Variants in AQP9 observed in about 807,000 individuals in gnomAD.
AQP9 encodes the protein aquaporin 9.
Under a neutral mutation model 23.8 loss-of-function variants are expected in AQP9, and 19 were observed. That is an observed-to-expected ratio of 0.80 (90% CI 0.56 to 1.17). AQP9 has a LOEUF of 1.17. Ranked by LOEUF, AQP9 falls within the 50% of genes most tolerant of loss-of-function variation. The pLI is 0.00. For missense variants in AQP9, 413 were observed against 362.0 expected (o/e 1.14, Z -1.14); for synonymous variants, 153 against 131.5 (o/e 1.16, Z -1.12).
At chr15:58,146,799 G>C (rs1898053588) in intron 1 of AQP9, 1 of 152,222 alleles carries the variant, frequency 6.6e-6, no homozygotes, top group Non-Finnish European at 1.5e-5. Context: ...GTGGCAAACT[G>C]AAAAGAGAAG....
intron 1 of AQP9, among the ~76,000 whole-genome samples, chr15:58,142,519 C>G (rs1298456906): frequency 6.6e-6 from 1 of 152,236 alleles, no homozygotes; most frequent in Non-Finnish European, 1.5e-5. Context: ...GATCTCTTCA[C>G]CACCTACAAA....
intron 4 of AQP9, among the ~76,000 whole-genome samples, chr15:58,178,318 T>C (rs1898801165): frequency 6.6e-6 from 1 of 152,198 alleles, no homozygotes. Context: ...ATAGCTTTTA[T>C]GTTTATAGTT....
chr15:58,168,969 G>T (rs905597207), intron 2 of AQP9, among the ~76,000 whole-genome samples: 1 of 152,074 alleles, frequency 6.6e-6, no homozygotes. Flanking sequence ...GAATTAATTG[G>T]CCCCAGACCC....
At position 58,166,728 on chromosome 15, in the gene AQP9, G is replaced by A. The variant is rs748783905; in HGVS notation, c.167G>A (p.Gly56Glu). 6.2e-7 allele frequency: 1 copy of A among 1,613,862 alleles called. No individual in the cohort carries two copies. The highest frequency in any genetic ancestry group is 8.5e-7 in the Non-Finnish European group (1 of 1,179,832). Residue 56 changes from glycine to glutamate, a missense_variant, in exon 2 of 6, where the codon GGG (glycine) becomes GAG (glutamate). By Grantham distance (98) the Gly-to-Glu change is moderately conservative. Transcript: ENST00000219919. Reference protein sequence around the residue: ...QAILSRGRFGGVITINVGFSM... With the variant: ...QAILSRGRFGEVITINVGFSM... ...ATTCTCAGTCGAGGACGTTTTGGAG[G>A]GGTCATCACTATCAATGTTGGATTT... is the stretch of plus-strand genomic sequence containing the variant.
chr15:58,172,180 T>C (rs1898639638), intron 2 of AQP9, among the ~76,000 whole-genome samples: 1 of 152,222 alleles, frequency 6.6e-6, no homozygotes, highest in African/African-American at 2.4e-5. Flanking sequence ...TTACTGACCA[T>C]GTAGCCTTAA....
chr15:58,168,533 A>G (rs1392435810), intron 2 of AQP9, among the ~76,000 whole-genome samples: 1 of 151,062 alleles, frequency 6.6e-6, no homozygotes, highest in Non-Finnish European at 1.5e-5. Context: ...ACCAGCTGGC[A>G]CCCTTTCCAT....
chr15:58,181,099 G>A (rs1220223170), intron 5 of AQP9, among the ~76,000 whole-genome samples: 1 of 152,160 alleles, frequency 6.6e-6, no homozygotes, highest in Non-Finnish European at 1.5e-5. Context: ...AAGAGACATG[G>A]TGGTTCCAAA....
At chr15:58,183,842 C>T (rs1287861207) in intron 5 of AQP9, 119 bp from the exon 6 acceptor site, 11 of 1,162,692 alleles carry the variant, frequency 9.5e-6, no homozygotes, top group Non-Finnish European at 1.2e-5. Flanking sequence ...ATACTTAGCT[C>T]TTGCTGAGTT....
At chr15:58,168,044 CAG>C (rs1158797661) in intron 2 of AQP9, among the ~76,000 whole-genome samples, 1 of 151,598 alleles carries the variant, frequency 6.6e-6, no homozygotes, top group Non-Finnish European at 1.5e-5. Flanking sequence ...TTTTTTAAGA[CAG>C]AGTCTCACTC....
At chr15:58,176,570 T>C (rs1230193123) in intron 4 of AQP9, among the ~76,000 whole-genome samples, 1 of 151,066 alleles carries the variant, frequency 6.6e-6, no homozygotes, top group African/African-American at 2.4e-5. Context: ...GCAGAGAGCA[T>C]AGAAGAGCGA....
chr15:58,175,305 T>C (rs1898724863), intron 4 of AQP9, among the ~76,000 whole-genome samples: 1 of 152,236 alleles, frequency 6.6e-6, no homozygotes, highest in Non-Finnish European at 1.5e-5. Flanking sequence ...AACATTTCAA[T>C]CCCTGTAGAC....
At chr15:58,154,216 C>G (rs1595731777) in intron 1 of AQP9, 1 of 152,276 alleles carries the variant, frequency 6.6e-6, no homozygotes, top group East Asian at 1.9e-4. Context: ...AGTCTATTTA[C>G]AAGCCAAAAT....
At chr15:58,166,922 G>T in intron 2 of AQP9, 123 bp downstream of exon 2, 1 of 1,270,528 alleles carries the variant, frequency 7.9e-7, no homozygotes, top group African/African-American at 1.5e-5. Context: ...AGTGTGTATT[G>T]GATCCCATTT....
At chr15:58,158,985 A>G (rs1898318448) in intron 1 of AQP9, among the ~76,000 whole-genome samples, 1 of 152,190 alleles carries the variant, frequency 6.6e-6, no homozygotes, top group African/African-American at 2.4e-5. Context: ...TCTGTTATGC[A>G]CCACATATTC....
chr15:58,172,987 T>A, intron 2 of AQP9, 81 bp from the exon 3 acceptor site: 1 of 1,564,678 alleles, frequency 6.4e-7, no homozygotes, highest in Non-Finnish European at 8.8e-7. Flanking sequence ...GAAGACTGAA[T>A]TCCACCTGAG....
chr15:58,157,059 G>A (rs7175669), intron 1 of AQP9, among the ~76,000 whole-genome samples: 139,907 of 152,284 alleles, frequency 0.92, 64,445 homozygotes, highest in Non-Finnish European at 0.96. Context: ...TATACACACA[G>A]ATCTGTTGAT....
chr15:58,168,427 G>C (rs374580926), intron 2 of AQP9, among the ~76,000 whole-genome samples: 1 of 152,130 alleles, frequency 6.6e-6, no homozygotes, highest in African/African-American at 2.4e-5. Flanking sequence ...AGTTAAGCTG[G>C]CTGGCCTCCT....
At chr15:58,159,167 C>T (rs1898322044) in intron 1 of AQP9, among the ~76,000 whole-genome samples, 1 of 152,144 alleles carries the variant, frequency 6.6e-6, no homozygotes, top group Non-Finnish European at 1.5e-5. Context: ...GTCCAATAAA[C>T]AGCTTGTCAC....
chr15:58,174,782 G>A (rs979879251), intron 3 of AQP9, 136 bp from the exon 4 acceptor site: 20 of 712,078 alleles, frequency 2.8e-5, no homozygotes, highest in Middle Eastern at 2.5e-4. Flanking sequence ...ATCATTCCTC[G>A]GAAGTAGAGA....
Sources: gnomAD v4.1 joint callset for allele counts (sites outside exome capture counted in the v4.1 genomes callset) on GRCh38, gnomAD v4.1.1 for gene constraint, MANE v1.5 for transcripts, NCBI Gene and HGNC (gene_info 2026-07-23, HGNC 2026-07-21) for gene names.